DPP10: variants seen among roughly 807,000 people sequenced by gnomAD.
DPP10 encodes the protein dipeptidyl peptidase like 10.
In DPP10, 33 loss-of-function variants were observed where a neutral mutation model predicts 120.9. The observed-to-expected ratio is 0.27, with a 90% CI of 0.21 to 0.37. DPP10 has a LOEUF of 0.37. DPP10 is among the 10% of genes least tolerant of loss of function. DPP10 has a pLI of 1.00. For synonymous variants in DPP10, 337 were observed against 326.1 expected (o/e 1.03, Z -0.36); for missense variants, 816 against 942.8 (o/e 0.87, Z 1.76).
intron 1 of DPP10, among the ~76,000 whole-genome samples, chr2:114,995,261 C>A (rs1421783445): frequency 6.6e-6 from 1 of 152,190 alleles, no homozygotes; most frequent in Non-Finnish European, 1.5e-5. Flanking sequence ...CTTGTTGTGG[C>A]AATGCATAAC....
chr2:115,340,410 G>A (rs973801188), intron 2 of DPP10, among the ~76,000 whole-genome samples: 2 of 151,998 alleles, frequency 1.3e-5, no homozygotes, highest in African/African-American at 4.8e-5. Flanking sequence ...TACATAAAAT[G>A]AGGATGGAAT....
At chr2:114,453,065 A>G (rs1430090) in intron 1 of DPP10, among the ~76,000 whole-genome samples, 80 of 152,120 alleles carry the variant, frequency 5.3e-4, no homozygotes, top group African/African-American at 1.8e-3. Flanking sequence ...TAGGTGACAC[A>G]AGTAAATATT....
intron 5 of DPP10, among the ~76,000 whole-genome samples, chr2:115,604,412 C>G (rs754297324): frequency 1.8e-4 from 27 of 152,160 alleles, no homozygotes; most frequent in Non-Finnish European, 1.3e-4. Context: ...CTGTAATTCT[C>G]ATATCTGTTA....
chr2:115,204,173 A>G (rs763690831), intron 1 of DPP10, among the ~76,000 whole-genome samples: 1 of 152,128 alleles, frequency 6.6e-6, no homozygotes, highest in African/African-American at 2.4e-5. Context: ...TTTTCTGTCT[A>G]TTTCTGATGT....
At chr2:115,130,558 C>T (rs1573722930) in intron 1 of DPP10, among the ~76,000 whole-genome samples, 1 of 128,252 alleles carries the variant, frequency 7.8e-6, no homozygotes, top group Admixed American at 7.1e-5. Flanking sequence ...CTTCAGCTTT[C>T]TTTTTTTAAT....
chr2:114,453,894 G>A (rs1459072320), intron 1 of DPP10, among the ~76,000 whole-genome samples: 1 of 152,152 alleles, frequency 6.6e-6, no homozygotes, highest in Admixed American at 6.5e-5. Flanking sequence ...TAGATATTAA[G>A]TTGCACACAT....
intron 1 of DPP10, among the ~76,000 whole-genome samples, chr2:114,450,475 C>T (rs1678200606): frequency 6.6e-6 from 1 of 151,968 alleles, no homozygotes; most frequent in South Asian, 2.1e-4. Flanking sequence ...ATATCTGCCA[C>T]ATAGCAGGAG....
intron 1 of DPP10, among the ~76,000 whole-genome samples, chr2:115,231,023 A>G (rs2057710038): frequency 6.6e-6 from 1 of 152,016 alleles, no homozygotes; most frequent in Non-Finnish European, 1.5e-5. Context: ...TCAAGACATC[A>G]AAAAGAAAAA....
chr2:115,286,540 TAA>T (rs1284549998), intron 1 of DPP10, among the ~76,000 whole-genome samples: 1,527 of 107,262 alleles, frequency 0.014, 56 homozygotes, highest in African/African-American at 0.032. Context: ...TATATATATA[TAA>T]AATATATACA....
intron 1 of DPP10, among the ~76,000 whole-genome samples, chr2:114,623,751 A>G (rs1320561084): frequency 6.6e-6 from 1 of 152,156 alleles, no homozygotes; most frequent in Non-Finnish European, 1.5e-5. Context: ...AATTGCAAGC[A>G]TTAATTCAAT....
At chr2:114,858,803 T>C (rs1216772445) in intron 1 of DPP10, among the ~76,000 whole-genome samples, 1 of 152,164 alleles carries the variant, frequency 6.6e-6, no homozygotes, top group Non-Finnish European at 1.5e-5. Flanking sequence ...TAGGAGGTGC[T>C]TTTTAATATT....
intron 1 of DPP10, among the ~76,000 whole-genome samples, chr2:114,452,327 C>T (rs1678330145): frequency 6.6e-6 from 1 of 152,060 alleles, no homozygotes; most frequent in African/African-American, 2.4e-5. Context: ...AATAAAGATA[C>T]CTTGTGTTTT....
At chr2:115,829,909 AGAC>A (rs1256834039) in intron 21 of DPP10, among the ~76,000 whole-genome samples, 1 of 152,158 alleles carries the variant, frequency 6.6e-6, no homozygotes, top group Non-Finnish European at 1.5e-5. Context: ...ACTTGATTGA[AGAC>A]ATTAAGCAAC....
intron 2 of DPP10, among the ~76,000 whole-genome samples, chr2:115,319,740 G>T (rs2061968544): frequency 6.6e-6 from 1 of 152,114 alleles, no homozygotes; most frequent in African/African-American, 2.4e-5. Flanking sequence ...TCTGCAAGCT[G>T]GAGAAAGTCC....
chr2:114,541,047 TTCAA>T (rs1686908776), intron 1 of DPP10, among the ~76,000 whole-genome samples: 1 of 152,234 alleles, frequency 6.6e-6, no homozygotes, highest in African/African-American at 2.4e-5. Flanking sequence ...AGATATATCT[TTCAA>T]GAATGTTTCA....
At chr2:114,879,005 G>T (rs1303618842) in intron 1 of DPP10, among the ~76,000 whole-genome samples, 1 of 152,194 alleles carries the variant, frequency 6.6e-6, no homozygotes, top group Non-Finnish European at 1.5e-5. Flanking sequence ...TAAGAGAAAG[G>T]TGTGTGATTA....
In DPP10 at chr2:114,451,204, C is replaced by G. The variant is rs189022812; in HGVS notation, c.60+8366C>G. Among the ~76,000 whole-genome samples the G allele has an allele frequency of 3.0e-3, 456 of 151,902 alleles. 1 individual carries two copies. Among genetic ancestry groups the G allele is most frequent in the Non-Finnish European group, 5.6e-3 (380 of 67,928 alleles). On this transcript the variant is annotated intron_variant, in intron 1 of 25. Coordinates refer to ENST00000410059, the MANE Select transcript of DPP10 (RefSeq NM_020868.6). ...AAATTTTTTCCTTTAGGTGTATCCT[C>G]TGAAGGAAATAAAATAGAATGAAAG... is the stretch of plus-strand genomic sequence containing the variant.
chr2:114,955,676 CA>C (rs1413132305), intron 1 of DPP10, among the ~76,000 whole-genome samples: 7 of 152,134 alleles, frequency 4.6e-5, no homozygotes, highest in South Asian at 4.1e-4. Context: ...CCCTGATAAA[CA>C]TAGGTGCAAA....
chr2:115,712,180 G>T (rs1383597724), intron 7 of DPP10, among the ~76,000 whole-genome samples: 1 of 150,906 alleles, frequency 6.6e-6, no homozygotes, highest in Non-Finnish European at 1.5e-5. Context: ...TTGTTTTCCT[G>T]CAACTAGATA....
Sources: gnomAD v4.1 joint callset for allele counts (sites outside exome capture counted in the v4.1 genomes callset) on GRCh38, gnomAD v4.1.1 for gene constraint, MANE v1.5 for transcripts, NCBI Gene and HGNC (gene_info 2026-07-23, HGNC 2026-07-21) for gene names.